Variants in PCNX2 observed in about 807,000 individuals in gnomAD.
PCNX2 encodes pecanex 2, also known as pecanex-like protein 2.
A neutral mutation model predicts 223.8 loss-of-function variants in PCNX2; 168 were observed. The ratio of observed to expected loss-of-function variants is 0.75; its 90% CI spans 0.66 to 0.85. PCNX2 has a LOEUF of 0.85. Ranked by LOEUF, PCNX2 falls within the 40% of genes least tolerant of loss-of-function variation. The pLI, the probability that PCNX2 is intolerant of heterozygous loss-of-function variation, is 0.00. For missense variants in PCNX2, 2,507 were observed against 2,675.5 expected (o/e 0.94, Z 1.39); for synonymous variants, 1,006 against 1,052.6 (o/e 0.96, Z 0.86).
intron 8 of PCNX2, among the ~76,000 whole-genome samples, chr1:233,242,475 G>C (rs1015999034): frequency 6.6e-6 from 1 of 152,128 alleles, no homozygotes; most frequent in Non-Finnish European, 1.5e-5. Context: ...GATTTCACTG[G>C]GGAGCAGATG....
chr1:233,111,075 CCTT>C (rs1365991665), intron 21 of PCNX2, among the ~76,000 whole-genome samples: 1 of 152,150 alleles, frequency 6.6e-6, no homozygotes, highest in Non-Finnish European at 1.5e-5. Context: ...TCACTTGTCT[CCTT>C]CTAGAGACTC....
At chr1:233,074,520 G>A (rs959616024) in intron 23 of PCNX2, among the ~76,000 whole-genome samples, 9 of 147,628 alleles carry the variant, frequency 6.1e-5, no homozygotes, top group Middle Eastern at 3.5e-3. Context: ...GCGTGAACCC[G>A]GGAGGCGGAG....
chr1:233,216,403 A>G (rs1472817463), intron 12 of PCNX2, among the ~76,000 whole-genome samples: 1 of 152,252 alleles, frequency 6.6e-6, no homozygotes, highest in Non-Finnish European at 1.5e-5. Context: ...ATGAAAAGTA[A>G]CAATATATGT....
At chr1:232,988,996 C>T (rs988525751) in intron 32 of PCNX2, among the ~76,000 whole-genome samples, 1 of 152,206 alleles carries the variant, frequency 6.6e-6, no homozygotes, top group Non-Finnish European at 1.5e-5. Flanking sequence ...CCCCAGTCCG[C>T]TCAGCCTCTA....
intron 12 of PCNX2, among the ~76,000 whole-genome samples, chr1:233,213,254 G>C (rs1681917984): frequency 6.6e-6 from 1 of 151,892 alleles, no homozygotes; most frequent in African/African-American, 2.4e-5. Context: ...TAATTTTCAG[G>C]CTTAAGGAAA....
At chr1:233,083,541 G>C (rs1198899315) in intron 23 of PCNX2, among the ~76,000 whole-genome samples, 1 of 152,150 alleles carries the variant, frequency 6.6e-6, no homozygotes, top group Non-Finnish European at 1.5e-5. Context: ...AATTCCTAAG[G>C]GTCCGTGCTA....
At chr1:233,183,701 G>A (rs80070890) in intron 15 of PCNX2, among the ~76,000 whole-genome samples, 2,992 of 152,230 alleles carry the variant, frequency 0.02, 36 homozygotes, top group Middle Eastern at 0.041. Flanking sequence ...ACCATGAACA[G>A]GACAGAGAGA....
At chr1:233,037,617 G>T (rs1489646372) in intron 25 of PCNX2, among the ~76,000 whole-genome samples, 1 of 152,134 alleles carries the variant, frequency 6.6e-6, no homozygotes. Flanking sequence ...GCACCACCAT[G>T]CCTGGCCTTG....
rs565203340 is a variant in PCNX2, at chr1:233,051,116, C to G, written c.4351+3152G>C. On this transcript the variant is annotated intron_variant, in intron 25 of 33. Coordinates refer to ENST00000258229, the MANE Select transcript of PCNX2 (RefSeq NM_014801.4). ...TCATCAGAGAAATGAAAATCAAAAC[C>G]ACAATGAGATACCACCTCACATGAA... Among the ~76,000 whole-genome samples, 4 of 152,014 alleles carry G rather than the reference C, an allele frequency of 2.6e-5. No homozygotes were observed. In the South Asian group the frequency reaches 8.3e-4, roughly 32 times the overall value.
intron 15 of PCNX2, among the ~76,000 whole-genome samples, chr1:233,181,623 A>C (rs1323164124): frequency 6.6e-6 from 1 of 152,182 alleles, no homozygotes; most frequent in East Asian, 1.9e-4. Context: ...GGTGGCTTAT[A>C]AACCACAGAA....
intron 21 of PCNX2, among the ~76,000 whole-genome samples, chr1:233,107,798 A>G (rs1292262387): frequency 6.6e-6 from 1 of 152,236 alleles, no homozygotes; most frequent in Non-Finnish European, 1.5e-5. Flanking sequence ...GGAGCTGAGT[A>G]AAATGAGGCT....
intron 23 of PCNX2, among the ~76,000 whole-genome samples, chr1:233,073,638 G>C (rs137950316): frequency 6.6e-6 from 1 of 151,852 alleles, no homozygotes; most frequent in African/African-American, 2.4e-5. Context: ...TAGAGGCAGG[G>C]TCTTGCCCCT....
chr1:233,036,597 T>G (rs887050200), intron 25 of PCNX2, among the ~76,000 whole-genome samples: 5 of 150,190 alleles, frequency 3.3e-5, no homozygotes, highest in Admixed American at 6.7e-5. Context: ...AACACTGCAC[T>G]CCAGCCTGGG....
intron 17 of PCNX2, 90 bp from the exon 18 acceptor site, chr1:233,161,453 C>T: frequency 9.2e-7 from 1 of 1,092,544 alleles, no homozygotes; most frequent in Non-Finnish European, 1.4e-6. Context: ...GGACATTGAC[C>T]CAAGATAAAC....
chr1:232,984,587 T>C (rs1018269811), intron 33 of PCNX2, 110 bp from the exon 34 acceptor site: 1 of 1,248,332 alleles, frequency 8.0e-7, no homozygotes, highest in South Asian at 1.4e-5. Flanking sequence ...AGCGCTGCCA[T>C]ATCCTTGAGG....
At chr1:233,162,211 A>G (rs1373171960) in intron 17 of PCNX2, among the ~76,000 whole-genome samples, 2 of 152,226 alleles carry the variant, frequency 1.3e-5, no homozygotes, top group East Asian at 3.9e-4. Flanking sequence ...ATGGAGCACA[A>G]TATTGCTGGC....
intron 24 of PCNX2, among the ~76,000 whole-genome samples, chr1:233,056,601 T>C (rs1023205052): frequency 6.6e-6 from 1 of 152,222 alleles, no homozygotes; most frequent in Non-Finnish European, 1.5e-5. Flanking sequence ...GAATTAATCA[T>C]GTAGATGCAA....
intron 19 of PCNX2, among the ~76,000 whole-genome samples, chr1:233,158,095 T>C (rs1678237693): frequency 1.3e-5 from 2 of 152,054 alleles, no homozygotes; most frequent in South Asian, 2.1e-4. Flanking sequence ...AAAAGAGCCA[T>C]GTAGGCTTGA....
chr1:233,031,628 A>G (rs78824484), intron 25 of PCNX2: 7,640 of 467,272 alleles, frequency 0.016, 561 homozygotes, highest in African/African-American at 0.15. Flanking sequence ...AGCTATTAGG[A>G]TAACAGTCTA....
Sources: gnomAD v4.1 joint callset for allele counts (sites outside exome capture counted in the v4.1 genomes callset) on GRCh38, gnomAD v4.1.1 for gene constraint, MANE v1.5 for transcripts, NCBI Gene and HGNC (gene_info 2026-07-23, HGNC 2026-07-21) for gene names.